Variants in GGA2 observed in about 807,000 individuals in gnomAD.
GGA2 encodes the protein ADP-ribosylation factor-binding protein GGA2.
Under a neutral mutation model 79.5 loss-of-function variants are expected in GGA2, and 48 were observed. The observed-to-expected ratio is 0.60, with a 90% confidence interval of 0.48 to 0.77. The LOEUF (loss-of-function observed/expected upper bound fraction) is 0.77, where lower values mean the gene tolerates loss of function less well. Among genes scored for constraint, GGA2 ranks in the 30% least tolerant of loss-of-function variants. The pLI is 0.00. For missense variants in GGA2, 770 were observed against 774.0 expected (o/e 0.99, Z 0.06); for synonymous variants, 317 against 302.0 (o/e 1.05, Z -0.51).
In GGA2 at chr16:23,491,808, T is replaced by C; in HGVS notation, c.352-8A>G. ...GGCCCAGGACCCCAGGTACTGAAAGTAAAAAGGAAAGAGAATTCTAGAGCT... is the reference window on the plus strand; with the variant it reads ...GGCCCAGGACCCCAGGTACTGAAAGCAAAAAGGAAAGAGAATTCTAGAGCT... On this transcript the variant is annotated splice_region_variant and splice_polypyrimidine_tract_variant and intron_variant, in intron 4 of 16. Coordinates refer to ENST00000309859, the MANE Select transcript of GGA2 (RefSeq NM_015044.4). 2 of 1,601,566 alleles carry C rather than the reference T, an allele frequency of 1.2e-6. No homozygotes were observed. Among genetic ancestry groups the C allele is most frequent in the South Asian group, 2.2e-5 (2 of 90,730 alleles).
upstream of GGA2, among the ~76,000 whole-genome samples, chr16:23,514,557 C>T (rs1332376099): frequency 6.6e-6 from 1 of 152,046 alleles, no homozygotes; most frequent in Admixed American, 6.6e-5. Flanking sequence ...AAATGATCTT[C>T]GCAACCTCAG....
intron 11 of GGA2, 100 bp downstream of exon 11, chr16:23,479,665 C>A: frequency 1.5e-6 from 2 of 1,357,942 alleles, no homozygotes; most frequent in Non-Finnish European, 2.0e-6. Flanking sequence ...ACAACCATCT[C>A]GACTCCCTCA....
chr16:23,465,277 G>A lies in GGA2; in HGVS notation c.*2313C>T. On this transcript the variant is annotated 3_prime_UTR_variant, in exon 17 of 17. Transcript: ENST00000309859. ...TGGGATTATAGGCGTGAGCCACTGT[G>A]CACAGCCAATAACTACTTGTTAAGT... is the stretch of plus-strand genomic sequence containing the variant. The A allele has an allele frequency of 1.4e-6, 1 of 700,046 alleles. No individual in the cohort carries two copies. The highest frequency in any genetic ancestry group is 1.5e-5 in the South Asian group (1 of 67,064). 43.4% of individuals were successfully genotyped at this position (700,046 alleles called of 1,614,324 possible). A position where few individuals can be genotyped will look rare whatever the true frequency, so the allele number is the denominator to read the frequency against.
At chr16:23,478,030 T>C (rs1176882025) in intron 13 of GGA2, among the ~76,000 whole-genome samples, 3 of 145,172 alleles carry the variant, frequency 2.1e-5, no homozygotes, top group Non-Finnish European at 4.5e-5. Context: ...CCGTCTCTAC[T>C]AAAAATTAAA....
At chr16:23,478,735 G>A in intron 12 of GGA2, 148 bp downstream of exon 12, 1 of 749,940 alleles carries the variant, frequency 1.3e-6, no homozygotes, top group African/African-American at 1.7e-5. Flanking sequence ...AGACAGTATG[G>A]GTGAGGAAGA....
intron 5 of GGA2, 136 bp downstream of exon 5, chr16:23,491,541 A>C: frequency 1.8e-6 from 1 of 556,618 alleles, no homozygotes; most frequent in East Asian, 3.2e-5. Context: ...AAAAAAAAAA[A>C]AAAAAAACTC....
At chr16:23,521,111 A>G (rs1368738385) in intron 1 of GGA2, among the ~76,000 whole-genome samples, 1 of 152,170 alleles carries the variant, frequency 6.6e-6, no homozygotes, top group African/African-American at 2.4e-5. Context: ...TATTTTTTAA[A>G]AACTGTGGTA....
At chr16:23,478,853 C>T in intron 12 of GGA2, 30 bp downstream of exon 12, 1 of 1,548,526 alleles carries the variant, frequency 6.5e-7, no homozygotes, top group South Asian at 1.1e-5. Flanking sequence ...CTCCCATTCT[C>T]TCTCCGGGCC....
intron 2 of GGA2, among the ~76,000 whole-genome samples, chr16:23,495,180 C>T (rs1232493569): frequency 6.6e-6 from 1 of 152,060 alleles, no homozygotes; most frequent in Non-Finnish European, 1.5e-5. Context: ...GCTGTGGAAA[C>T]AGAATTCAAT....
At chr16:23,492,366 G>A (rs922644233) in intron 4 of GGA2, among the ~76,000 whole-genome samples, 1 of 152,222 alleles carries the variant, frequency 6.6e-6, no homozygotes, top group East Asian at 1.9e-4. Context: ...CGGGCAGGGG[G>A]GTGTGAACTA....
intron 14 of GGA2, among the ~76,000 whole-genome samples, chr16:23,471,746 GA>G (rs1240711474): frequency 1.3e-5 from 2 of 152,006 alleles, no homozygotes; most frequent in East Asian, 3.9e-4. Flanking sequence ...CCCTCAAAAA[GA>G]CAATAAAAAT....
upstream of GGA2, chr16:23,524,240 A>C: frequency 9.0e-6 from 7 of 776,688 alleles, no homozygotes; most frequent in East Asian, 2.4e-5. Flanking sequence ...GTGTGCAGTC[A>C]GAGATTGTTT....
intron 10 of GGA2, 116 bp downstream of exon 10, chr16:23,480,529 G>T: frequency 1.2e-6 from 1 of 863,746 alleles, no homozygotes; most frequent in East Asian, 2.6e-5. Flanking sequence ...GGGGAACAAA[G>T]GGCGAGTTCT....
intron 1 of GGA2, among the ~76,000 whole-genome samples, chr16:23,504,897 A>G (rs1338580026): frequency 6.6e-6 from 1 of 152,204 alleles, no homozygotes. Flanking sequence ...GTGTTAAGAA[A>G]ACAGCTGAGA....
At chr16:23,520,003 T>C (rs1567374585) in intron 1 of GGA2, among the ~76,000 whole-genome samples, 1 of 152,202 alleles carries the variant, frequency 6.6e-6, no homozygotes, top group African/African-American at 2.4e-5. Flanking sequence ...TCCCAGCCCT[T>C]TGGGAGGCCG....
intron 14 of GGA2, among the ~76,000 whole-genome samples, chr16:23,472,801 G>A (rs190161597): frequency 2.0e-5 from 3 of 151,870 alleles, no homozygotes; most frequent in Admixed American, 6.6e-5. Context: ...TTGGGAGGCC[G>A]AGGTGGGCAG....
chr16:23,506,045 C>A (rs1326649060), intron 1 of GGA2, among the ~76,000 whole-genome samples: 1 of 152,148 alleles, frequency 6.6e-6, no homozygotes, highest in African/African-American at 2.4e-5. Flanking sequence ...TAGTAAGGCA[C>A]TATTTTAAGT....
At chr16:23,510,560 C>CCT (rs397727429), upstream of GGA2, 6 of 389,396 alleles carry the variant, frequency 1.5e-5, no homozygotes, top group African/African-American at 8.4e-5. Flanking sequence ...CAGGCCCCCC[C>CCT]TCCACGCGGG....
At chr16:23,508,112 G>C (rs1964993981) in intron 1 of GGA2, among the ~76,000 whole-genome samples, 1 of 151,252 alleles carries the variant, frequency 6.6e-6, no homozygotes, top group African/African-American at 2.4e-5. Context: ...ACCTAGGCTG[G>C]AGTGCAGCGG....
Sources: gnomAD v4.1 joint callset for allele counts (sites outside exome capture counted in the v4.1 genomes callset) on GRCh38, gnomAD v4.1.1 for gene constraint, MANE v1.5 for transcripts, NCBI Gene and HGNC (gene_info 2026-07-23, HGNC 2026-07-21) for gene names.